Variants in CCSER1 observed in about 807,000 individuals in gnomAD.
CCSER1 encodes the protein coiled-coil serine rich protein 1.
Under a neutral mutation model 82.0 loss-of-function variants are expected in CCSER1, and 41 were observed. The observed-to-expected ratio is 0.50, with a 90% CI of 0.39 to 0.65. CCSER1 has a LOEUF of 0.65. CCSER1 is among the 30% of genes least tolerant of loss of function. CCSER1 has a pLI of 0.00. For synonymous variants in CCSER1, 414 were observed against 383.9 expected (o/e 1.08, Z -0.92); for missense variants, 1,119 against 1,064.2 (o/e 1.05, Z -0.72).
chr4:90,159,707 G>T (rs1041006904), intron 1 of CCSER1, among the ~76,000 whole-genome samples: 1 of 152,110 alleles, frequency 6.6e-6, no homozygotes, highest in Non-Finnish European at 1.5e-5. Flanking sequence ...TTACATTTCA[G>T]ACCTAGTTTT....
chr4:91,085,982 A>C lies in CCSER1; in HGVS notation c.2205A>C (p.Gln735His), dbSNP rs1282947080. Residue 735 changes from glutamine (Q) to histidine (H), a missense_variant, in exon 10 of 11, where the codon CAA (glutamine) becomes CAC (histidine). Gln to His is a conservative substitution (Grantham distance 24). Coordinates refer to ENST00000509176, the MANE Select transcript of CCSER1 (RefSeq NM_001145065.2). The part of the protein sequence containing the change: ...GLNLKRLETV[Q>H]GGREATYRNR... ...ACTTGAAAAGACTAGAGACAGTACA[A>C]GGAGGGAGAGAGGTAAGAATGTTTA... is the stretch of plus-strand genomic sequence containing the variant. 1 of 1,525,222 alleles carries C rather than the reference A, an allele frequency of 6.6e-7. No individual in the cohort carries two copies. The highest frequency in any genetic ancestry group is 2.5e-5 in the East Asian group (1 of 40,758). 94.5% of individuals were successfully genotyped at this position (1,525,222 alleles called of 1,614,324 possible).
chr4:90,644,837 T>C (rs565064667), intron 6 of CCSER1, among the ~76,000 whole-genome samples: 105 of 151,820 alleles, frequency 6.9e-4, no homozygotes, highest in African/African-American at 2.4e-3. Context: ...ATCCCAGCAC[T>C]TTGGGAGGCC....
intron 6 of CCSER1, among the ~76,000 whole-genome samples, chr4:90,722,942 G>A (rs2149371334): frequency 6.6e-6 from 1 of 152,064 alleles, no homozygotes; most frequent in African/African-American, 2.4e-5. Flanking sequence ...AAACTTAAGT[G>A]AGTCAAACTT....
At chr4:91,281,282 C>T (rs1742893412) in intron 10 of CCSER1, among the ~76,000 whole-genome samples, 1 of 152,084 alleles carries the variant, frequency 6.6e-6, no homozygotes, top group South Asian at 2.1e-4. Flanking sequence ...TATCTATTCA[C>T]TCTTTTGGTT....
intron 10 of CCSER1, among the ~76,000 whole-genome samples, chr4:91,547,337 C>G (rs1223257011): frequency 6.6e-6 from 1 of 152,042 alleles, no homozygotes; most frequent in Non-Finnish European, 1.5e-5. Context: ...TCTATTTTGT[C>G]CTGTAGTTCT....
chr4:90,957,545 A>AT (rs1561417876), intron 9 of CCSER1, among the ~76,000 whole-genome samples: 2 of 121,570 alleles, frequency 1.6e-5, no homozygotes, highest in South Asian at 2.2e-4. Context: ...TATATTATAT[A>AT]ATTATATTAT....
rs1221506915 is a variant in CCSER1 at position 91,246,819 on chromosome 4, T to TACACAC, written c.2217+160827_2217+160832dup. Among the ~76,000 whole-genome samples, 100 of 115,274 alleles carry TACACAC rather than the reference T, an allele frequency of 8.7e-4. 1 individual carries two copies. Among genetic ancestry groups the TACACAC allele is most frequent in the African/African-American group, 3.5e-3 (95 of 27,044 alleles). 75.6% of individuals were successfully genotyped at this position (115,274 alleles called of 152,430 possible). On this transcript the variant is annotated intron_variant, in intron 10 of 10. Coordinates refer to ENST00000509176, the MANE Select transcript of CCSER1 (RefSeq NM_001145065.2). ...TAAAAAAAGGCATCTCATACACACA[T>TACACAC]ACACACATACACACACACACACACA...
At chr4:91,481,807 C>T (rs1757929773) in intron 10 of CCSER1, among the ~76,000 whole-genome samples, 1 of 152,024 alleles carries the variant, frequency 6.6e-6, no homozygotes, top group Non-Finnish European at 1.5e-5. Flanking sequence ...TTCTGAACAG[C>T]AAAAGAAACT....
chr4:90,299,559 C>T (rs1732694419), intron 1 of CCSER1, among the ~76,000 whole-genome samples: 1 of 152,080 alleles, frequency 6.6e-6, no homozygotes, highest in Admixed American at 6.6e-5. Context: ...ATTAGCCATC[C>T]TTTTAATGTG....
At chr4:91,049,240 A>G (rs1394146373) in intron 9 of CCSER1, among the ~76,000 whole-genome samples, 1 of 152,190 alleles carries the variant, frequency 6.6e-6, no homozygotes, top group African/African-American at 2.4e-5. Context: ...AATTTTTACA[A>G]TGATAATAAA....
At chr4:91,222,072 T>G (rs1037872022) in intron 10 of CCSER1, among the ~76,000 whole-genome samples, 1 of 151,852 alleles carries the variant, frequency 6.6e-6, no homozygotes, top group African/African-American at 2.4e-5. Context: ...ACATTAATTC[T>G]GTGTTATCTC....
intron 1 of CCSER1, among the ~76,000 whole-genome samples, chr4:90,174,455 G>T (rs1170278664): frequency 6.6e-6 from 1 of 151,924 alleles, no homozygotes; most frequent in Non-Finnish European, 1.5e-5. Context: ...AAAAATTGGA[G>T]AATAAATGAA....
At chr4:91,291,808 G>T (rs1002292205) in intron 10 of CCSER1, among the ~76,000 whole-genome samples, 4 of 151,948 alleles carry the variant, frequency 2.6e-5, no homozygotes, top group African/African-American at 9.7e-5. Flanking sequence ...GTAAAGAAAA[G>T]CATGAGAAAT....
chr4:90,648,021 A>G (rs1388812451), intron 6 of CCSER1, among the ~76,000 whole-genome samples: 3 of 152,174 alleles, frequency 2.0e-5, no homozygotes, highest in East Asian at 1.9e-4. Flanking sequence ...TTGTGCCTCC[A>G]TTTCTTAAGG....
At chr4:91,278,494 C>A (rs1236429806) in intron 10 of CCSER1, among the ~76,000 whole-genome samples, 4 of 152,040 alleles carry the variant, frequency 2.6e-5, no homozygotes, top group East Asian at 1.9e-4. Flanking sequence ...TACTCCTGAT[C>A]ATTTTGGTTT....
At chr4:90,209,658 T>G (rs1310360453) in intron 1 of CCSER1, among the ~76,000 whole-genome samples, 1 of 152,176 alleles carries the variant, frequency 6.6e-6, no homozygotes, top group Non-Finnish European at 1.5e-5. Context: ...TGTGTGGCAT[T>G]GCATTTTGAA....
chr4:91,383,973 C>G (rs6844256), intron 10 of CCSER1, among the ~76,000 whole-genome samples: 110,610 of 151,938 alleles, frequency 0.73, 40,390 homozygotes, highest in East Asian at 0.87. Flanking sequence ...GAAGATTGTG[C>G]TGAAGGGCTG....
At chr4:91,409,674 T>C (rs1015346248) in intron 10 of CCSER1, among the ~76,000 whole-genome samples, 4 of 152,150 alleles carry the variant, frequency 2.6e-5, no homozygotes, top group Non-Finnish European at 5.9e-5. Flanking sequence ...AAATACTAAT[T>C]TCTTTGTCTT....
chr4:91,018,913 A>G (rs933734139), intron 9 of CCSER1, among the ~76,000 whole-genome samples: 5 of 151,950 alleles, frequency 3.3e-5, no homozygotes, highest in Non-Finnish European at 7.4e-5. Context: ...TTCCCCTATG[A>G]CTTTGCTAAT....
Sources: allele counts gnomAD v4.1 joint callset (sites outside exome capture counted in the v4.1 genomes callset), GRCh38; gene constraint gnomAD v4.1.1; transcripts MANE v1.5; gene names NCBI Gene and HGNC (gene_info 2026-07-23, HGNC 2026-07-21).